THSD4: variants seen among roughly 807,000 people sequenced by gnomAD.
The protein encoded by THSD4 is thrombospondin type-1 domain-containing protein 4.
THSD4 carries 69 observed loss-of-function variants against 119.0 expected under a neutral mutation model. The observed-to-expected ratio is 0.58, with a 90% CI of 0.48 to 0.71. THSD4 has a LOEUF of 0.71. THSD4 is among the 30% of genes least tolerant of loss of function. The probability of loss-of-function intolerance (pLI) is 0.00; values close to 1 mark genes in which losing one functional copy is unlikely to be tolerated. For synonymous variants in THSD4, 524 were observed against 540.4 expected (o/e 0.97, Z 0.42); for missense variants, 1,393 against 1,391.1 (o/e 1.00, Z -0.02).
intron 7 of THSD4, among the ~76,000 whole-genome samples, chr15:71,486,220 C>T (rs541378152): frequency 7.2e-5 from 11 of 152,224 alleles, no homozygotes; most frequent in Admixed American, 3.9e-4. Flanking sequence ...AAACCTTCCT[C>T]GATCCTCTTC....
intron 6 of THSD4, among the ~76,000 whole-genome samples, chr15:71,319,177 A>G (rs1014127666): frequency 3.9e-4 from 60 of 152,128 alleles, no homozygotes; most frequent in Non-Finnish European, 5.1e-4. Context: ...GCACCTTAGG[A>G]CACTCCTGGT....
intron 6 of THSD4, among the ~76,000 whole-genome samples, chr15:71,278,116 A>C (rs2044612458): frequency 6.6e-6 from 1 of 152,254 alleles, no homozygotes; most frequent in African/African-American, 2.4e-5. Context: ...TTAATGATTC[A>C]GAAATAAAAC....
intron 8 of THSD4, among the ~76,000 whole-genome samples, chr15:71,688,082 G>A (rs981638949): frequency 1.3e-5 from 2 of 152,140 alleles, no homozygotes; most frequent in Non-Finnish European, 2.9e-5. Context: ...TAATGAAAAA[G>A]CTCCTTGAGC....
chr15:71,721,048 G>A (rs2052711962), intron 8 of THSD4, among the ~76,000 whole-genome samples: 1 of 152,182 alleles, frequency 6.6e-6, no homozygotes. Context: ...AAGTGGTTGG[G>A]TCATCATCAC....
chr15:71,554,614 T>C (rs962655469), intron 7 of THSD4, among the ~76,000 whole-genome samples: 5 of 152,162 alleles, frequency 3.3e-5, no homozygotes, highest in Admixed American at 1.3e-4. Flanking sequence ...CAGACTCGTC[T>C]TGAGCTCCTG....
At chr15:71,222,061 T>TG (rs1157428228) in intron 4 of THSD4, among the ~76,000 whole-genome samples, 1 of 152,170 alleles carries the variant, frequency 6.6e-6, no homozygotes, top group African/African-American at 2.4e-5. Flanking sequence ...AAATGCCTGT[T>TG]GGAAAAAAAG....
At chr15:71,112,828 T>C (rs1265684485), upstream of THSD4, among the ~76,000 whole-genome samples, 1 of 152,232 alleles carries the variant, frequency 6.6e-6, no homozygotes, top group Admixed American at 6.5e-5. Context: ...AAACTTGCTG[T>C]CTTAGCATAC....
intron 1 of THSD4, among the ~76,000 whole-genome samples, chr15:71,121,934 C>T (rs2040412124): frequency 6.6e-6 from 1 of 152,076 alleles, no homozygotes; most frequent in East Asian, 1.9e-4. Flanking sequence ...TCAAATCCAA[C>T]CGTGCACATG....
chr15:71,782,488 T>C lies in THSD4; in HGVS notation c.*5114T>C, dbSNP rs2054013620. The C allele has an allele frequency of 6.6e-6, 1 of 152,230 alleles. No individual in the cohort carries two copies. Among genetic ancestry groups the C allele is most frequent in the Admixed American group, 6.5e-5 (1 of 15,292 alleles). The allele number at this position is 152,230 out of a possible 1,614,324, so 9.4% of individuals were successfully genotyped here. On this transcript the variant is annotated 3_prime_UTR_variant, in exon 18 of 18. Coordinates refer to ENST00000261862, the MANE Select transcript of THSD4 (RefSeq NM_024817.3). ...GGAAATATGTATTCTGAACTCTATCTGCAGAATGAGTCACTACACCAAAAT... is the reference window on the plus strand; with the variant it reads ...GGAAATATGTATTCTGAACTCTATCCGCAGAATGAGTCACTACACCAAAAT...
chr15:71,577,091 CAA>C (rs33941509), intron 7 of THSD4, among the ~76,000 whole-genome samples: 83,374 of 142,440 alleles, frequency 0.59, 24,190 homozygotes, highest in Non-Finnish European at 0.68. Flanking sequence ...ATTGTCCTAA[CAA>C]AAAAAAAAAA....
intron 6 of THSD4, among the ~76,000 whole-genome samples, chr15:71,315,330 G>T (rs1774369697): frequency 6.6e-6 from 1 of 152,224 alleles, no homozygotes; most frequent in African/African-American, 2.4e-5. Flanking sequence ...ACTTTTAATT[G>T]TCCACAGACC....
intron 4 of THSD4, among the ~76,000 whole-genome samples, chr15:71,218,528 G>C (rs114864035): frequency 0.012 from 1,896 of 152,248 alleles, 47 homozygotes; most frequent in African/African-American, 0.044. Context: ...CAGTTAAACT[G>C]TTTACTATGA....
chr15:71,260,794 A>G (rs547410213), intron 6 of THSD4, among the ~76,000 whole-genome samples: 18 of 152,254 alleles, frequency 1.2e-4, no homozygotes, highest in East Asian at 5.8e-4. Context: ...TGCACCCCCA[A>G]AAAGATTTAT....
At chr15:71,681,387 A>C (rs2051772849) in intron 8 of THSD4, among the ~76,000 whole-genome samples, 4 of 151,778 alleles carry the variant, frequency 2.6e-5, no homozygotes, top group African/African-American at 7.3e-5. Context: ...TCAAAAGTTT[A>C]CGTGGCACAC....
At chr15:71,468,276 T>C (rs937630542) in intron 7 of THSD4, among the ~76,000 whole-genome samples, 2 of 152,238 alleles carry the variant, frequency 1.3e-5, no homozygotes, top group Admixed American at 1.3e-4. Flanking sequence ...CATGTGTAAC[T>C]GTGAGTCAGT....
intron 7 of THSD4, among the ~76,000 whole-genome samples, chr15:71,544,855 C>T (rs1008492750): frequency 1.3e-5 from 2 of 152,180 alleles, no homozygotes; most frequent in African/African-American, 4.8e-5. Flanking sequence ...ATACCTGTTA[C>T]AGAGTGGATG....
chr15:71,439,786 TCTCA>T (rs1264145740), intron 7 of THSD4, among the ~76,000 whole-genome samples: 1 of 152,228 alleles, frequency 6.6e-6, no homozygotes, highest in East Asian at 1.9e-4. Flanking sequence ...CACCACATGT[TCTCA>T]CTCATAAGTG....
chr15:71,204,562 A>G (rs1173774559), intron 3 of THSD4, among the ~76,000 whole-genome samples: 1 of 152,098 alleles, frequency 6.6e-6, no homozygotes, highest in Admixed American at 6.6e-5. Flanking sequence ...CATTAAGTCC[A>G]ACCAGCTCAG....
intron 1 of THSD4, among the ~76,000 whole-genome samples, chr15:71,129,994 T>C (rs2040488890): frequency 6.6e-6 from 1 of 152,150 alleles, no homozygotes; most frequent in Non-Finnish European, 1.5e-5. Flanking sequence ...GTGGAGGCAC[T>C]GAGAAAATAT....
Sources: allele counts gnomAD v4.1 joint callset (sites outside exome capture counted in the v4.1 genomes callset), GRCh38; gene constraint gnomAD v4.1.1; transcripts MANE v1.5; gene names NCBI Gene and HGNC (gene_info 2026-07-23, HGNC 2026-07-21).